Variants in CHST3 observed in about 807,000 individuals in gnomAD.
CHST3 encodes the protein C6ST-1.
In CHST3, 20 loss-of-function variants were observed where a neutral mutation model predicts 35.4. That is an observed-to-expected ratio of 0.57 (90% CI 0.40 to 0.82). The LOEUF is 0.82. Ranked by LOEUF, CHST3 falls within the 40% of genes least tolerant of loss-of-function variation. The probability of loss-of-function intolerance (pLI) is 0.00; values close to 1 mark genes in which losing one functional copy is unlikely to be tolerated. For missense variants in CHST3, 693 were observed against 670.1 expected (o/e 1.03, Z -0.38); for synonymous variants, 334 against 295.9 (o/e 1.13, Z -1.32).
Position 72,007,294 on chromosome 10 carries a change from C to T in CHST3, c.263C>T (p.Ser88Phe). The change falls in exon 3 of 3, where the codon TCC becomes TTC. Residue 88 changes from serine to phenylalanine, a missense_variant. Coordinates refer to ENST00000373115, the MANE Select transcript of CHST3 (RefSeq NM_004273.5). ...LSLSELDSAF[S>F]QLQSRLRNLS... ...CTGAGCGAGCTCGATTCAGCCTTCT[C>T]CCAGCTTCAGAGCCGTCTCCGCAAC... The T allele has an allele frequency of 6.2e-7, 1 of 1,613,888 alleles. No individual in the cohort carries two copies. The highest frequency in any genetic ancestry group is 8.5e-7 in the Non-Finnish European group (1 of 1,179,924).
chr10:71,969,162 G>A (rs1795111269), intron 1 of CHST3, among the ~76,000 whole-genome samples: 1 of 152,122 alleles, frequency 6.6e-6, no homozygotes, highest in Non-Finnish European at 1.5e-5. Context: ...GGGCAGAGCC[G>A]GAGCAGCCAG....
At chr10:71,968,038 G>T (rs893859819) in intron 1 of CHST3, among the ~76,000 whole-genome samples, 1 of 147,700 alleles carries the variant, frequency 6.8e-6, no homozygotes, top group African/African-American at 2.5e-5. Context: ...GAATGGTCTC[G>T]ATCTCCTGAC....
chr10:71,993,861 AGGCTGAGG>A (rs1170714712), intron 1 of CHST3, among the ~76,000 whole-genome samples: 6 of 152,106 alleles, frequency 3.9e-5, no homozygotes, highest in Admixed American at 3.9e-4. Flanking sequence ...ACACTTTGGG[AGGCTGAGG>A]TGGGTGGATC....
chr10:71,988,078 G>A (rs532227699), intron 1 of CHST3, among the ~76,000 whole-genome samples: 16 of 152,260 alleles, frequency 1.1e-4, no homozygotes, highest in Non-Finnish European at 1.6e-4. Flanking sequence ...GCATGTATAC[G>A]TACATGCACA....
intron 1 of CHST3, among the ~76,000 whole-genome samples, chr10:71,976,864 TATTAA>T (rs1407206277): frequency 6.6e-6 from 1 of 152,264 alleles, no homozygotes; most frequent in Non-Finnish European, 1.5e-5. Context: ...GTTTTAGTTT[TATTAA>T]ATTGTATAAA....
intron 1 of CHST3, among the ~76,000 whole-genome samples, chr10:71,977,181 T>TGCCCACAGTCCCA (rs1256928175): frequency 6.6e-6 from 1 of 152,244 alleles, no homozygotes; most frequent in Non-Finnish European, 1.5e-5. Flanking sequence ...AAAGTGTTGC[T>TGCCCACAGTCCCA]GCCCACAGTC....
chr10:71,976,916 G>A lies in CHST3; in HGVS notation c.-108+12222G>A, dbSNP rs78943701. ...ATGTCCATGGTGCAAAGTTGAAAAG[G>A]CACAAAACAGTCTATGTGTGGTCTC... On this transcript the variant is annotated intron_variant, in intron 1 of 2. Coordinates refer to ENST00000373115, the MANE Select transcript of CHST3 (RefSeq NM_004273.5). 9.3e-3 allele frequency among the ~76,000 whole-genome samples: 1,409 copies of A among 152,230 alleles called. 11 individuals are homozygous for A. The highest frequency in any genetic ancestry group is 0.015 in the Non-Finnish European group (1,002 of 68,006).
Position 72,008,311 on chromosome 10 carries a change from A to C in CHST3, c.1280A>C (p.Lys427Thr), listed in dbSNP as rs1840069690. 1 of 1,582,660 alleles carries C rather than the reference A, an allele frequency of 6.3e-7. No homozygotes were observed. The highest frequency in any genetic ancestry group is 1.3e-5 in the African/African-American group (1 of 74,282). Residue 427 changes from lysine (K) to threonine (T), a missense_variant, in exon 3 of 3, where the codon AAG (lysine) becomes ACG (threonine). Physicochemically the swap from Lys to Thr is moderately conservative, Grantham distance 78 (BLOSUM62 -1). Coordinates refer to ENST00000373115, the MANE Select transcript of CHST3 (RefSeq NM_004273.5). Reference protein sequence around the residue: ...TQKNSSEQFEKWRFSMPFKLA... With the variant: ...TQKNSSEQFETWRFSMPFKLA... ...AAGAACTCCTCGGAGCAGTTCGAGAAGTGGCGCTTCAGCATGCCCTTCAAG... is the reference window on the plus strand; with the variant it reads ...AAGAACTCCTCGGAGCAGTTCGAGACGTGGCGCTTCAGCATGCCCTTCAAG...
chr10:72,005,283 T>TG (rs1840027095), intron 1 of CHST3, among the ~76,000 whole-genome samples: 1 of 149,314 alleles, frequency 6.7e-6, no homozygotes, highest in East Asian at 1.9e-4. Flanking sequence ...GTCTGCACCT[T>TG]TGTGTGTGTG....
chr10:71,998,824 G>A (rs1839965620), intron 1 of CHST3, among the ~76,000 whole-genome samples: 1 of 152,304 alleles, frequency 6.6e-6, no homozygotes, highest in African/African-American at 2.4e-5. Flanking sequence ...CTTGGGAGAG[G>A]AAGAGCAAGC....
intron 1 of CHST3, among the ~76,000 whole-genome samples, chr10:71,977,339 C>G (rs1284973330): frequency 6.6e-6 from 1 of 152,190 alleles, no homozygotes; most frequent in African/African-American, 2.4e-5. Context: ...TCTTGTCTTG[C>G]AGGGCAGTAG....
rs76803307 is a variant in CHST3, at chr10:72,008,384, C to T, written c.1353C>T (p.Phe451=). 6 of 1,568,836 alleles carry T rather than the reference C, an allele frequency of 3.8e-6. No individual in the cohort carries two copies. Among genetic ancestry groups the T allele is most frequent in the East Asian group, 2.4e-5 (1 of 42,516 alleles). Reference sequence around the variant, plus strand: ...CCTGCGGCCCTGCCATGCGCCTCTTCGGCTACAAACTGGCGCGGGACGCCG... The same window carrying T: ...CCTGCGGCCCTGCCATGCGCCTCTTTGGCTACAAACTGGCGCGGGACGCCG... ...QAACGPAMRL[F]GYKLARDAAA... Residue 451 remains phenylalanine (F), a synonymous_variant, in exon 3 of 3, where the codon TTC becomes TTT. Transcript: ENST00000373115.
At chr10:71,965,083 C>T (rs1839616417) in intron 1 of CHST3, among the ~76,000 whole-genome samples, 1 of 152,196 alleles carries the variant, frequency 6.6e-6, no homozygotes, top group South Asian at 2.1e-4. Context: ...GTCTGCTGCC[C>T]CCGCAGCCCC....
intron 1 of CHST3, among the ~76,000 whole-genome samples, chr10:71,973,303 C>T (rs1264905578): frequency 1.3e-5 from 2 of 152,230 alleles, no homozygotes; most frequent in Non-Finnish European, 2.9e-5. Context: ...TCCAGTCCTG[C>T]CACTTGTCTG....
At chr10:71,966,960 C>T (rs1424188924) in intron 1 of CHST3, among the ~76,000 whole-genome samples, 1 of 152,040 alleles carries the variant, frequency 6.6e-6, no homozygotes, top group East Asian at 1.9e-4. Flanking sequence ...GTTTGGTGTA[C>T]AGATTATTTC....
chr10:71,995,046 T>A (rs1839927037), intron 1 of CHST3, among the ~76,000 whole-genome samples: 1 of 152,202 alleles, frequency 6.6e-6, no homozygotes, highest in South Asian at 2.1e-4. Flanking sequence ...TCCAGACCAC[T>A]CAAACTTTCT....
chr10:71,983,623 G>C (rs1158378060), intron 1 of CHST3, among the ~76,000 whole-genome samples: 1 of 152,088 alleles, frequency 6.6e-6, no homozygotes, highest in African/African-American at 2.4e-5. Context: ...GCTATTTTTT[G>C]TATTTTCAGT....
chr10:71,997,809 A>G (rs1839955204), intron 1 of CHST3, among the ~76,000 whole-genome samples: 1 of 151,456 alleles, frequency 6.6e-6, no homozygotes, highest in African/African-American at 2.4e-5. Context: ...CTGAGATTAC[A>G]GGCATGCGCC....
intron 1 of CHST3, among the ~76,000 whole-genome samples, chr10:71,969,361 C>T (rs1207306784): frequency 3.9e-5 from 6 of 152,334 alleles, no homozygotes; most frequent in Admixed American, 6.5e-5. Context: ...CGTTTTCAGT[C>T]GGGGTGGTAT....
Sources: allele counts gnomAD v4.1 joint callset (sites outside exome capture counted in the v4.1 genomes callset), GRCh38; gene constraint gnomAD v4.1.1; transcripts MANE v1.5; gene names NCBI Gene and HGNC (gene_info 2026-07-23, HGNC 2026-07-21).